EPB41: variants seen among roughly 807,000 people sequenced by gnomAD.
EPB41 encodes protein 4.1.
Under a neutral mutation model 108.0 loss-of-function variants are expected in EPB41, and 65 were observed. The ratio of observed to expected loss-of-function variants is 0.60; its 90% CI spans 0.49 to 0.74. The LOEUF (loss-of-function observed/expected upper bound fraction) is 0.74. Ranked by LOEUF, EPB41 falls within the 30% of genes least tolerant of loss-of-function variation. The pLI, the probability that EPB41 is intolerant of heterozygous loss-of-function variation, is 0.00. For synonymous variants in EPB41, 336 were observed against 358.9 expected (o/e 0.94, Z 0.72); for missense variants, 875 against 1,037.0 (o/e 0.84, Z 2.15).
At position 28,953,630 on chromosome 1, in the gene EPB41, C is replaced by T. The variant is rs116535192; in HGVS notation, c.-7-33801C>T. ...ATGCATGCATGCCTGATCCAAGAACCTGATGAATTGAACCGTTTTCCAATG... is the reference window on the plus strand; with the variant it reads ...ATGCATGCATGCCTGATCCAAGAACTTGATGAATTGAACCGTTTTCCAATG... On this transcript the variant is annotated intron_variant, in intron 1 of 20. Coordinates refer to ENST00000343067, the MANE Select transcript of EPB41 (RefSeq NM_001376013.1). Among the ~76,000 whole-genome samples the T allele has an allele frequency of 6.9e-3, 1,050 of 152,266 alleles. 11 individuals carry two copies. Among genetic ancestry groups the T allele is most frequent in the African/African-American group, 0.021 (874 of 41,546 alleles).
chr1:29,047,452 C>T (rs1415903490), intron 11 of EPB41, among the ~76,000 whole-genome samples: 2 of 145,912 alleles, frequency 1.4e-5, no homozygotes, highest in African/African-American at 5.1e-5. Context: ...CAAGGTCTTA[C>T]TGTGTTGCCC....
chr1:28,900,629 G>C (rs1285641900), intron 1 of EPB41, among the ~76,000 whole-genome samples: 2 of 152,016 alleles, frequency 1.3e-5, no homozygotes, highest in African/African-American at 4.8e-5. Flanking sequence ...GCCTTTGTTT[G>C]TAAAATGGTG....
At chr1:28,906,034 G>T (rs1175242822) in intron 1 of EPB41, among the ~76,000 whole-genome samples, 2 of 151,950 alleles carry the variant, frequency 1.3e-5, no homozygotes, top group Non-Finnish European at 2.9e-5. Context: ...GGCCAGGCTG[G>T]TCTCGAACTC....
intron 4 of EPB41, among the ~76,000 whole-genome samples, chr1:29,006,438 T>G (rs370061894): frequency 6.6e-6 from 1 of 151,834 alleles, no homozygotes; most frequent in Non-Finnish European, 1.5e-5. Flanking sequence ...AGGGTTTCAC[T>G]GTGTTAGCCA....
intron 1 of EPB41, among the ~76,000 whole-genome samples, chr1:28,965,248 G>A (rs2095329741): frequency 1.3e-5 from 2 of 152,028 alleles, no homozygotes; most frequent in African/African-American, 4.8e-5. Context: ...AAAATATTTA[G>A]TTGTTTAATT....
intron 16 of EPB41, among the ~76,000 whole-genome samples, chr1:29,084,002 C>T (rs1374888158): frequency 2.9e-5 from 4 of 140,078 alleles, no homozygotes; most frequent in Admixed American, 7.7e-5. Context: ...TAGTTAAGAA[C>T]CAGGAGCTGG....
At chr1:28,911,538 G>C (rs1273221389), upstream of EPB41, among the ~76,000 whole-genome samples, 1 of 152,174 alleles carries the variant, frequency 6.6e-6, no homozygotes, top group African/African-American at 2.4e-5. Flanking sequence ...AGAGAATACT[G>C]GGCTTTCATG....
At chr1:29,086,049 C>A (rs1658756984) in intron 16 of EPB41, among the ~76,000 whole-genome samples, 1 of 152,120 alleles carries the variant, frequency 6.6e-6, no homozygotes, top group African/African-American at 2.4e-5. Context: ...GATTTTTTAG[C>A]ACTTTCTGCA....
At chr1:28,964,937 G>A (rs2095323485) in intron 1 of EPB41, among the ~76,000 whole-genome samples, 1 of 152,082 alleles carries the variant, frequency 6.6e-6, no homozygotes, top group Non-Finnish European at 1.5e-5. Context: ...TATATCAAAG[G>A]CCTTTTCTCT....
chr1:28,899,109 G>A (rs529444468), intron 1 of EPB41, among the ~76,000 whole-genome samples: 1 of 152,158 alleles, frequency 6.6e-6, no homozygotes, highest in Non-Finnish European at 1.5e-5. Flanking sequence ...TAGAAGCCCA[G>A]GTCTCCAGAC....
rs983137652 is a variant in EPB41, at chr1:29,018,605, T to C, written c.1124+163T>C. Among the ~76,000 whole-genome samples, 2 of 152,224 alleles carry C rather than the reference T, an allele frequency of 1.3e-5. No individual in the cohort carries two copies. Among genetic ancestry groups the C allele is most frequent in the African/African-American group, 4.8e-5 (2 of 41,464 alleles). ...GCAGGTTACTTAACCTCTCTTAATC[T>C]AAGCTTTCTCATCAGAGTAATAGGC... On this transcript the variant is annotated intron_variant, in intron 7 of 20. Coordinates refer to ENST00000343067, the MANE Select transcript of EPB41 (RefSeq NM_001376013.1). This position sits in a 1 kb window ranked among gnomAD's most constrained non-coding sequence, Gnocchi z 4.4.
chr1:28,928,606 A>G (rs893664494), intron 1 of EPB41, among the ~76,000 whole-genome samples: 17 of 152,326 alleles, frequency 1.1e-4, no homozygotes, highest in African/African-American at 3.4e-4. Flanking sequence ...GGTTCTTTTA[A>G]GCTTAATGCC....
In EPB41 at chr1:28,993,408, G is replaced by C. The variant is rs2149612264; in HGVS notation, c.547G>C (p.Glu183Gln). 1.2e-6 allele frequency: 2 copies of C among 1,613,908 alleles called. No individual in the cohort carries two copies. Among genetic ancestry groups the C allele is most frequent in the Admixed American group, 1.7e-5 (1 of 59,988 alleles). Reference sequence around the variant, plus strand: ...AGGACTTGAAGAGTGCTCCAAAATAGAAGTAAAAGAAGAAAGCCCTCAATC... The same window carrying C: ...AGGACTTGAAGAGTGCTCCAAAATACAAGTAAAAGAAGAAAGCCCTCAATC... The part of the protein sequence containing the change: ...GEGLEECSKI[E>Q]VKEESPQSKA... Residue 183 changes from glutamate (E) to glutamine (Q), a missense_variant, in exon 3 of 21, where the codon GAA becomes CAA. Glu to Gln is a conservative substitution (Grantham distance 29, BLOSUM62 2). Coordinates refer to ENST00000343067, the MANE Select transcript of EPB41 (RefSeq NM_001376013.1).
In EPB41 at chr1:28,977,758, C is replaced by T. The variant is rs183464956; in HGVS notation, c.-7-9673C>T. 3.8e-3 allele frequency among the ~76,000 whole-genome samples: 573 copies of T among 152,190 alleles called. 5 individuals are homozygous for T. The highest frequency in any genetic ancestry group is 0.013 in the African/African-American group (531 of 41,524). ...TGTACCCGTCCTATCATTTGTAACA[C>T]GAGGAACATGACTGCATGGCATTTG... On this transcript the variant is annotated intron_variant, in intron 1 of 20. Transcript: ENST00000343067.
chr1:29,109,246 G>T (rs1403626033), intron 17 of EPB41, 90 bp from the exon 18 acceptor site: 14 of 954,224 alleles, frequency 1.5e-5, no homozygotes, highest in African/African-American at 4.8e-5. Context: ...TTTTGCATCA[G>T]AATGTGCAGC....
Position 29,018,754 on chromosome 1 carries a change from C to T in EPB41, c.1124+312C>T, listed in dbSNP as rs193059752. On this transcript the variant is annotated intron_variant, in intron 7 of 20. Transcript: ENST00000343067. The surrounding 1 kb of genome is among the most constrained non-coding windows in gnomAD (Gnocchi z 4.4). ...TGTTTCCTTACCTTTTATTTTTTAT[C>T]AGATTTAAAGCTAATTATGCTGCAT... 3.3e-5 allele frequency among the ~76,000 whole-genome samples: 5 copies of T among 152,228 alleles called. No homozygotes were observed. Among genetic ancestry groups the T allele is most frequent in the African/African-American group, 9.6e-5 (4 of 41,548 alleles).
chr1:28,944,105 C>T (rs1380723933), intron 1 of EPB41, among the ~76,000 whole-genome samples: 1 of 152,058 alleles, frequency 6.6e-6, no homozygotes, highest in African/African-American at 2.4e-5. Context: ...ATAAGCCAGA[C>T]ACAGGAAAAC....
chr1:29,111,686 G>A (rs1451229532), intron 18 of EPB41, among the ~76,000 whole-genome samples: 2 of 150,838 alleles, frequency 1.3e-5, no homozygotes, highest in African/African-American at 4.9e-5. Context: ...AAAAAAGATT[G>A]TAGTAATCAA....
intron 1 of EPB41, among the ~76,000 whole-genome samples, chr1:28,985,038 C>G (rs2095843351): frequency 6.6e-6 from 1 of 151,918 alleles, no homozygotes; most frequent in South Asian, 2.1e-4. Flanking sequence ...GATCTCAGCT[C>G]ACCACAACCT....
Sources: allele counts gnomAD v4.1 joint callset (sites outside exome capture counted in the v4.1 genomes callset), GRCh38; gene constraint gnomAD v4.1.1; non-coding constraint Gnocchi (gnomAD v3.1); transcripts MANE v1.5; gene names NCBI Gene and HGNC (gene_info 2026-07-23, HGNC 2026-07-21).